The following GPRIN3 variants were observed in gnomAD, a reference collection of about 807,000 sequenced individuals.
The protein encoded by GPRIN3 is GPRIN family member 3.
A neutral mutation model predicts 13.7 loss-of-function variants in GPRIN3; 12 were observed. The observed-to-expected ratio is 0.87, with a 90% confidence interval of 0.56 to 1.42. GPRIN3 has a LOEUF of 1.42. Among genes scored for constraint, GPRIN3 ranks in the 40% most tolerant of loss-of-function variants. The probability of loss-of-function intolerance (pLI) is 0.00; values close to 1 mark genes in which losing one functional copy is unlikely to be tolerated. For missense variants in GPRIN3, 1,009 were observed against 958.7 expected (o/e 1.05, Z -0.69); for synonymous variants, 377 against 372.7 (o/e 1.01, Z -0.13).
intron 1 of GPRIN3, among the ~76,000 whole-genome samples, chr4:89,261,228 G>A (rs1268695506): frequency 1.3e-5 from 2 of 152,166 alleles, no homozygotes; most frequent in Non-Finnish European, 2.9e-5. Flanking sequence ...AAGGAGGATT[G>A]TCCTATGCAC....
rs1723141166 is a variant in GPRIN3 at position 89,247,691 on chromosome 4, C to A, written c.*89G>T. The A allele has an allele frequency of 8.2e-6, 11 of 1,345,896 alleles. No individual in the cohort carries two copies. In the Admixed American group the frequency reaches 2.5e-4, roughly 31 times the overall value. 83.4% of individuals were successfully genotyped at this position (1,345,896 alleles called of 1,614,324 possible). ...TGAATACTTGCTTTTTCTTCCTAGT[C>A]TTGCAGCAAAAAACTAAGCAAGCTT... is the stretch of plus-strand genomic sequence containing the variant. On this transcript the variant is annotated 3_prime_UTR_variant, in exon 2 of 2. Coordinates refer to ENST00000609438, the MANE Select transcript of GPRIN3 (RefSeq NM_198281.3).
intron 1 of GPRIN3, among the ~76,000 whole-genome samples, chr4:89,281,065 G>C (rs377666076): frequency 2.6e-5 from 4 of 151,976 alleles, no homozygotes; most frequent in East Asian, 1.9e-4. Context: ...GAAGGGGGGG[G>C]ATAAGCACAT....
rs755097548 is a variant in GPRIN3, at chr4:89,245,961, G to GT, written c.*1818dup. 3 of 152,294 alleles carry GT rather than the reference G, an allele frequency of 2.0e-5. No homozygotes were observed. The highest frequency in any genetic ancestry group is 1.5e-5 in the Non-Finnish European group (1 of 68,034). 9.4% of individuals were successfully genotyped at this position (152,294 alleles called of 1,614,324 possible). On this transcript the variant is annotated 3_prime_UTR_variant, in exon 2 of 2. Coordinates refer to ENST00000609438, the MANE Select transcript of GPRIN3 (RefSeq NM_198281.3). ...CTTCTAATTTCCAAATAGAACAACT[G>GT]TAACAACTCTCAGGCTCTGAGAATA...
At chr4:89,260,499 G>C (rs1328526926) in intron 1 of GPRIN3, among the ~76,000 whole-genome samples, 1 of 152,184 alleles carries the variant, frequency 6.6e-6, no homozygotes, top group African/African-American at 2.4e-5. Flanking sequence ...GTTAGGCATC[G>C]CGAGTACATA....
chr4:89,293,852 T>C (rs1724658046), intron 1 of GPRIN3, among the ~76,000 whole-genome samples: 1 of 152,256 alleles, frequency 6.6e-6, no homozygotes, highest in African/African-American at 2.4e-5. Flanking sequence ...ATAGTGGTTC[T>C]GCTTTTCTAA....
Position 89,250,118 on chromosome 4 carries a change from C to T in GPRIN3, c.-8G>A. ...GTCAGGTACAGTCCCCATGGAATTT[C>T]TCTTCAGGAGCACTCCAGAGCTCTC... On this transcript the variant is annotated 5_prime_UTR_variant, in exon 2 of 2. Transcript: ENST00000609438. 1.2e-6 allele frequency: 2 copies of T among 1,607,746 alleles called. No individual in the cohort carries two copies. The highest frequency in any genetic ancestry group is 1.7e-5 in the Admixed American group (1 of 59,744).
chr4:89,284,269 A>G (rs1397320901), intron 1 of GPRIN3, among the ~76,000 whole-genome samples: 1 of 152,210 alleles, frequency 6.6e-6, no homozygotes, highest in South Asian at 2.1e-4. Flanking sequence ...AGGAGGCTGA[A>G]GACCACATGC....
intron 1 of GPRIN3, among the ~76,000 whole-genome samples, chr4:89,285,803 G>C (rs1267380375): frequency 6.6e-6 from 1 of 152,086 alleles, no homozygotes. Flanking sequence ...CTTATGAACT[G>C]GTGTTTGGGA....
chr4:89,248,192 TC>T lies in GPRIN3; in HGVS notation c.1918del (p.Glu640SerfsTer8). Reference sequence around the variant, plus strand: ...ATTTAACTTTTGCTCCTTGAGGAACTCGCTGACGCGGCTGGGCCTGCGTGGG... The same window carrying T: ...ATTTAACTTTTGCTCCTTGAGGAACTGCTGACGCGGCTGGGCCTGCGTGGG... ...ASPRRPSRVSEFLKEQKLNVT... is the reference protein window; with the variant it reads ...ASPRRPSRVSXFLKEQKLNVT... On this transcript the variant is annotated frameshift_variant, in exon 2 of 2. Coordinates refer to ENST00000609438, the MANE Select transcript of GPRIN3 (RefSeq NM_198281.3). LOFTEE classifies it high-confidence loss of function. The T allele has an allele frequency of 6.2e-7, 1 of 1,614,198 alleles. No homozygotes were observed. The highest frequency in any genetic ancestry group is 1.1e-5 in the South Asian group (1 of 91,084).
At position 89,240,988 on chromosome 4, in the gene GPRIN3, G is replaced by A. The variant is rs1722907473; in HGVS notation, c.*6792C>T. On this transcript the variant is annotated 3_prime_UTR_variant, in exon 2 of 2. Transcript: ENST00000609438. ...TGAGGATTTAGATAATTCATACAAG[G>A]TATGTACACAATCACACCCATAGTA... 1 of 151,972 alleles carries A rather than the reference G, an allele frequency of 6.6e-6. No homozygotes were observed. The highest frequency in any genetic ancestry group is 2.4e-5 in the African/African-American group (1 of 41,392). 9.4% of individuals were successfully genotyped at this position (151,972 alleles called of 1,614,324 possible).
chr4:89,249,404 T>A lies in GPRIN3; in HGVS notation c.707A>T (p.Lys236Ile). 6.2e-7 allele frequency: 1 copy of A among 1,614,058 alleles called. No individual in the cohort carries two copies. Among genetic ancestry groups the A allele is most frequent in the Non-Finnish European group, 8.5e-7 (1 of 1,180,002 alleles). ...AICDSEMRSC[K>I]PLTRESGCSE... is the part of the protein sequence containing the mutation. ...ACATCCAGATTCTCTAGTTAGAGGT[T>A]TACAGGACCTCATTTCAGAGTCACA... Residue 236 changes from lysine to isoleucine, a missense_variant, in exon 2 of 2, where the codon AAA (lysine) becomes ATA (isoleucine). Physicochemically the swap from Lys to Ile is moderately radical, Grantham distance 102 (BLOSUM62 -3). Transcript: ENST00000609438.
In GPRIN3 at chr4:89,283,617, G is replaced by A. The variant is rs1008856335; in HGVS notation, c.-124+23998C>T. 3.3e-5 allele frequency among the ~76,000 whole-genome samples: 5 copies of A among 152,260 alleles called. No homozygotes were observed. The South Asian group carries it at 6.2e-4, about 19-fold the overall frequency. On this transcript the variant is annotated intron_variant, in intron 1 of 1. Coordinates refer to ENST00000609438, the MANE Select transcript of GPRIN3 (RefSeq NM_198281.3). ...AATGGTGAGCCCTTTGGTAGAGCTC[G>A]GCATAGGGTGTTATGAGTGCACAAT...
chr4:89,297,894 C>T (rs1724784786), intron 1 of GPRIN3, among the ~76,000 whole-genome samples: 1 of 152,254 alleles, frequency 6.6e-6, no homozygotes, highest in Admixed American at 6.5e-5. Context: ...CTTAAGCAGT[C>T]TTAAAATACA....
intron 1 of GPRIN3, among the ~76,000 whole-genome samples, chr4:89,282,741 A>G (rs1394752588): frequency 6.6e-6 from 1 of 152,104 alleles, no homozygotes. Flanking sequence ...CACTTGTCAG[A>G]AGTATGGGAT....
At chr4:89,258,653 C>T (rs1418544069) in intron 1 of GPRIN3, among the ~76,000 whole-genome samples, 1 of 152,168 alleles carries the variant, frequency 6.6e-6, no homozygotes, top group African/African-American at 2.4e-5. Flanking sequence ...ACTTGGATTC[C>T]CTCTGGGTAT....
Position 89,249,081 on chromosome 4 carries a change from G to T in GPRIN3, c.1030C>A (p.Leu344Met). The T allele has an allele frequency of 6.2e-7, 1 of 1,614,194 alleles. No individual in the cohort carries two copies. Among genetic ancestry groups the T allele is most frequent in the Non-Finnish European group, 8.5e-7 (1 of 1,180,028 alleles). The change falls in exon 2 of 2, where the codon CTG (leucine) becomes ATG (methionine). Residue 344 changes from leucine (L) to methionine (M), a missense_variant. Physicochemically the swap from Leu to Met is conservative, Grantham distance 15 (BLOSUM62 2). Coordinates refer to ENST00000609438, the MANE Select transcript of GPRIN3 (RefSeq NM_198281.3). ...STSPSILTAF[L>M]KESRAPEHFE... The stretch of plus-strand genomic sequence containing the variant: ...TGCTCAGGAGCACGGCTTTCCTTCA[G>T]AAATGCAGTGAGGATACTGGGGCTG...
At chr4:89,274,825 A>G (rs917657709) in intron 1 of GPRIN3, among the ~76,000 whole-genome samples, 19 of 152,170 alleles carry the variant, frequency 1.2e-4, no homozygotes, top group Admixed American at 3.3e-4. Context: ...AGAAAGGACT[A>G]CATTTGTCAG....
intron 1 of GPRIN3, among the ~76,000 whole-genome samples, chr4:89,269,038 T>C (rs1723856434): frequency 6.6e-6 from 1 of 152,186 alleles, no homozygotes. Context: ...TTGATATGCA[T>C]GGCTATGAAG....
intron 1 of GPRIN3, 79 bp from the exon 2 acceptor site, chr4:89,250,312 A>T: frequency 9.4e-7 from 1 of 1,067,296 alleles, no homozygotes; most frequent in Non-Finnish European, 1.2e-6. Context: ...TCGTTTTTAT[A>T]AGAGCACATT....
Sources: gnomAD v4.1 joint callset for allele counts (sites outside exome capture counted in the v4.1 genomes callset) on GRCh38, gnomAD v4.1.1 for gene constraint, MANE v1.5 for transcripts, NCBI Gene and HGNC (gene_info 2026-07-23, HGNC 2026-07-21) for gene names.